Variants in TBC1D30 observed in about 807,000 individuals in gnomAD.
TBC1D30 encodes TBC1 domain family, member 30.
A neutral mutation model predicts 63.2 loss-of-function variants in TBC1D30; 31 were observed. That is an observed-to-expected ratio of 0.49 (90% CI 0.37 to 0.66). The LOEUF is 0.66. Among genes scored for constraint, TBC1D30 ranks in the 30% least tolerant of loss-of-function variants. The probability of loss-of-function intolerance (pLI) is 0.00; values close to 1 mark genes in which losing one functional copy is unlikely to be tolerated. For synonymous variants in TBC1D30, 307 were observed against 361.5 expected (o/e 0.85, Z 1.71); for missense variants, 810 against 953.6 (o/e 0.85, Z 1.98).
intron 8 of TBC1D30, among the ~76,000 whole-genome samples, chr12:64,859,036 G>C (rs1330121023): frequency 6.6e-6 from 1 of 151,990 alleles, no homozygotes; most frequent in Admixed American, 6.6e-5. Flanking sequence ...GTGTGTGTGT[G>C]TGTGTCTGTG....
At chr12:64,835,971 T>G (rs1875314235) in intron 5 of TBC1D30, among the ~76,000 whole-genome samples, 1 of 152,226 alleles carries the variant, frequency 6.6e-6, no homozygotes, top group Non-Finnish European at 1.5e-5. Flanking sequence ...AAAGCATAGT[T>G]GCATTTTCCC....
intron 5 of TBC1D30, among the ~76,000 whole-genome samples, chr12:64,833,775 A>G (rs1171090454): frequency 2.0e-5 from 3 of 152,198 alleles, no homozygotes; most frequent in Non-Finnish European, 4.4e-5. Context: ...AGGTGAGGGT[A>G]GGAGAGGGAG....
upstream of TBC1D30, among the ~76,000 whole-genome samples, chr12:64,779,961 C>T (rs1216608826): frequency 3.3e-5 from 5 of 152,128 alleles, no homozygotes; most frequent in Admixed American, 6.5e-5. Context: ...AGCGGCAGTT[C>T]CGAGTTCTAT....
At position 64,875,917 on chromosome 12, in the gene TBC1D30, A is replaced by T. The variant is rs372570315; in HGVS notation, c.*129A>T. On this transcript the variant is annotated 3_prime_UTR_variant, in exon 12 of 12. Coordinates refer to ENST00000539867, the MANE Select transcript of TBC1D30 (RefSeq NM_015279.2). ...GGTTCAGGGATGAGCAACAGCCCATAAAAAATGGGAACTGGAAGTTTTATA... is the reference window on the plus strand; with the variant it reads ...GGTTCAGGGATGAGCAACAGCCCATTAAAAATGGGAACTGGAAGTTTTATA... 301 of 956,126 alleles carry T rather than the reference A, an allele frequency of 3.1e-4. 2 individuals carry two copies. In the African/African-American group the frequency reaches 4.5e-3, roughly 14 times the overall value. The allele number at this position is 956,126 out of a possible 1,614,324, so 59.2% of individuals were successfully genotyped here. A position where few individuals can be genotyped will look rare whatever the true frequency, so the allele number is the denominator to read the frequency against.
chr12:64,765,984 C>T (rs1273427564), intron 1 of TBC1D30, among the ~76,000 whole-genome samples: 1 of 152,032 alleles, frequency 6.6e-6, no homozygotes, highest in Non-Finnish European at 1.5e-5. Context: ...TGCATTCCAG[C>T]CTGGGTGACA....
chr12:64,870,936 C>A, intron 11 of TBC1D30, 128 bp downstream of exon 11: 1 of 828,618 alleles, frequency 1.2e-6, no homozygotes, highest in Non-Finnish European at 1.9e-6. Context: ...GCTGGCATGA[C>A]ATAATAGCAT....
At chr12:64,847,416 T>C (rs1390031370) in intron 8 of TBC1D30, among the ~76,000 whole-genome samples, 1 of 151,672 alleles carries the variant, frequency 6.6e-6, no homozygotes, top group Admixed American at 6.6e-5. Flanking sequence ...TTTCTTCTAC[T>C]AATTTTGGGT....
At chr12:64,851,373 A>G (rs1876859817) in intron 8 of TBC1D30, among the ~76,000 whole-genome samples, 1 of 152,030 alleles carries the variant, frequency 6.6e-6, no homozygotes, top group Non-Finnish European at 1.5e-5. Context: ...CCAATATCCC[A>G]TTTGCTTGGT....
upstream of TBC1D30, among the ~76,000 whole-genome samples, chr12:64,775,582 A>G (rs1256578484): frequency 1.3e-5 from 2 of 152,250 alleles, no homozygotes; most frequent in Non-Finnish European, 2.9e-5. Context: ...AGACCTAACT[A>G]TTCTAAATGT....
chr12:64,845,314 C>T (rs144347521), intron 8 of TBC1D30, among the ~76,000 whole-genome samples: 5,781 of 152,102 alleles, frequency 0.038, 258 homozygotes, highest in African/African-American at 0.13. Context: ...GCCATTTTAA[C>T]TGGGTGAGAT....
intron 1 of TBC1D30, among the ~76,000 whole-genome samples, chr12:64,760,520 C>T (rs527290258): frequency 6.6e-6 from 1 of 152,210 alleles, no homozygotes; most frequent in Admixed American, 6.5e-5. Context: ...CCACTGCACT[C>T]TGGCCTCAGG....
intron 6 of TBC1D30, among the ~76,000 whole-genome samples, chr12:64,838,376 C>G (rs1466520534): frequency 6.6e-6 from 1 of 152,144 alleles, no homozygotes; most frequent in Non-Finnish European, 1.5e-5. Context: ...CTTTCTTTTT[C>G]TTCTGTTTTT....
upstream of TBC1D30, among the ~76,000 whole-genome samples, chr12:64,824,177 CT>C (rs1354736917): frequency 6.6e-6 from 1 of 151,968 alleles, no homozygotes; most frequent in Admixed American, 6.5e-5. Context: ...AAAGAGAACA[CT>C]TTTTTTCTGG....
At chr12:64,787,341 A>C (rs1871654101) in intron 2 of TBC1D30, 2 of 984,170 alleles carry the variant, frequency 2.0e-6, no homozygotes, top group Non-Finnish European at 2.4e-6. Context: ...TTTGTTTTGC[A>C]TTCTTTATTA....
At chr12:64,812,753 A>ATT (rs113925138) in intron 2 of TBC1D30, among the ~76,000 whole-genome samples, 178 of 146,254 alleles carry the variant, frequency 1.2e-3, no homozygotes, top group African/African-American at 4.1e-3. Flanking sequence ...TGAAAGATTG[A>ATT]TTTTTTTTTT....
In TBC1D30 at chr12:64,879,375, G is replaced by A. The variant is rs188753798; in HGVS notation, c.*3587G>A. The A allele has an allele frequency of 1.3e-5, 2 of 152,338 alleles. No individual in the cohort carries two copies. Among genetic ancestry groups the A allele is most frequent in the African/African-American group, 2.4e-5 (1 of 41,584 alleles). 9.4% of individuals were successfully genotyped at this position (152,338 alleles called of 1,614,324 possible). On this transcript the variant is annotated 3_prime_UTR_variant, in exon 12 of 12. Coordinates refer to ENST00000539867, the MANE Select transcript of TBC1D30 (RefSeq NM_015279.2). ...TAGATAGTAGTAGAGACAGTATCCT[G>A]TTACATGTATGTACATAGCCCGAAT...
chr12:64,809,193 C>G (rs944670634), intron 2 of TBC1D30, among the ~76,000 whole-genome samples: 1 of 151,972 alleles, frequency 6.6e-6, no homozygotes, highest in Non-Finnish European at 1.5e-5. Flanking sequence ...TTTGATGTAC[C>G]GGTCACTGAA....
upstream of TBC1D30, among the ~76,000 whole-genome samples, chr12:64,776,540 C>G (rs567857261): frequency 2.7e-4 from 41 of 152,162 alleles, no homozygotes; most frequent in Non-Finnish European, 3.1e-4. Flanking sequence ...CACATACACC[C>G]TTTTAAGACT....
intron 1 of TBC1D30, among the ~76,000 whole-genome samples, chr12:64,785,696 G>C (rs1871529289): frequency 6.6e-6 from 1 of 152,136 alleles, no homozygotes; most frequent in Non-Finnish European, 1.5e-5. Context: ...TCATGGACAG[G>C]GCAGATAAAT....
Sources: gnomAD v4.1 joint callset for allele counts (sites outside exome capture counted in the v4.1 genomes callset) on GRCh38, gnomAD v4.1.1 for gene constraint, MANE v1.5 for transcripts, NCBI Gene and HGNC (gene_info 2026-07-23, HGNC 2026-07-21) for gene names.